The following ACRBP variants were observed in gnomAD, a reference collection of about 807,000 sequenced individuals.
ACRBP encodes the protein acrosin binding protein.
In ACRBP, 52 loss-of-function variants were observed where a neutral mutation model predicts 69.0. The observed-to-expected ratio is 0.75, with a 90% CI of 0.60 to 0.95. The LOEUF (loss-of-function observed/expected upper bound fraction) is 0.95. Among genes scored for constraint, ACRBP ranks in the 40% least tolerant of loss-of-function variants. ACRBP has a pLI of 0.00. For missense variants in ACRBP, 604 were observed against 673.0 expected (o/e 0.90, Z 1.13); for synonymous variants, 267 against 258.9 (o/e 1.03, Z -0.30).
At chr12:6,643,795 G>T in intron 5 of ACRBP, 124 bp from the exon 6 acceptor site, 1 of 1,310,864 alleles carries the variant, frequency 7.6e-7, no homozygotes. Context: ...CTTAGCATGG[G>T]GCCTTAGAGG....
intron 9 of ACRBP, 73 bp downstream of exon 9, chr12:6,638,881 C>T: frequency 6.2e-7 from 1 of 1,601,518 alleles, no homozygotes; most frequent in Non-Finnish European, 8.5e-7. Context: ...CAGAGGGGGC[C>T]TCAGAATAGA....
chr12:6,643,212 C>T (rs534331730), intron 6 of ACRBP, among the ~76,000 whole-genome samples: 4 of 151,978 alleles, frequency 2.6e-5, no homozygotes, highest in South Asian at 4.1e-4. Flanking sequence ...AAGCCATGAT[C>T]GCACCACTCC....
intron 3 of ACRBP, 103 bp downstream of exon 3, chr12:6,646,380 G>C: frequency 1.0e-6 from 1 of 989,978 alleles, no homozygotes; most frequent in East Asian, 2.4e-5. Context: ...CAGGGAAGGA[G>C]GAGCTAAGGA....
Position 6,647,026 on chromosome 12 carries a change from G to A in ACRBP, c.44-14C>T, listed in dbSNP as rs747561878. On this transcript the variant is annotated splice_polypyrimidine_tract_variant and intron_variant, in intron 1 of 9. Coordinates refer to ENST00000229243, the MANE Select transcript of ACRBP (RefSeq NM_032489.3). ...GCAGGAGCAGCACTGCGGAGCGGGC[G>A]AACGGATGATGGAAGGACCGAACCC... 5.6e-6 allele frequency: 9 copies of A among 1,604,730 alleles called. No homozygotes were observed. In the South Asian group the frequency reaches 8.8e-5, roughly 16 times the overall value.
At chr12:6,647,152 A>G in intron 1 of ACRBP, 140 bp from the exon 2 acceptor site, 1 of 1,107,164 alleles carries the variant, frequency 9.0e-7, no homozygotes. Context: ...GTCTAGAGAC[A>G]GAGGCAAAGG....
rs756596238 is a variant in ACRBP at position 6,645,200 on chromosome 12, G to A, written c.475+20C>T. Reference sequence around the variant, plus strand: ...TTGTGGGAGTAGCTGGTGGTCTCCCGGCTGCTGAGAGGGTCTCACCTGTGA... The same window carrying A: ...TTGTGGGAGTAGCTGGTGGTCTCCCAGCTGCTGAGAGGGTCTCACCTGTGA... On this transcript the variant is annotated intron_variant, in intron 4 of 9. Coordinates refer to ENST00000229243, the MANE Select transcript of ACRBP (RefSeq NM_032489.3). 13 of 1,570,586 alleles carry A rather than the reference G, an allele frequency of 8.3e-6. 1 individual carries two copies. The highest frequency in any genetic ancestry group is 3.5e-4 in the Middle Eastern group (2 of 5,728).
chr12:6,647,376 A>G lies in ACRBP; in HGVS notation c.-10T>C. 6.5e-7 allele frequency: 1 copy of G among 1,528,770 alleles called. No individual in the cohort carries two copies. The highest frequency in any genetic ancestry group is 8.8e-7 in the Non-Finnish European group (1 of 1,135,588). 94.7% of individuals were successfully genotyped at this position (1,528,770 alleles called of 1,614,324 possible). A position where few individuals can be genotyped will look rare whatever the true frequency, so the allele number is the denominator to read the frequency against. On this transcript the variant is annotated 5_prime_UTR_variant, in exon 1 of 10. Transcript: ENST00000229243. ...CGGCTGGCTTCCTCATGGCCGGAGAAGATCCGCCCGCGTCCCGTGGACACA... is the reference window on the plus strand; with the variant it reads ...CGGCTGGCTTCCTCATGGCCGGAGAGGATCCGCCCGCGTCCCGTGGACACA...
chr12:6,643,420 A>C, intron 6 of ACRBP, 119 bp downstream of exon 6: 1 of 1,343,704 alleles, frequency 7.4e-7, no homozygotes, highest in East Asian at 2.4e-5. Context: ...CTTGGAGAGA[A>C]TCTCTCCAGC....
rs1032111431 is a variant in ACRBP at position 6,641,168 on chromosome 12, C to T, written c.1078-646G>A. On this transcript the variant is annotated intron_variant, in intron 6 of 9. Transcript: ENST00000229243. ...TAAAACCTATGCTCTATCCAAGTAC[C>T]TGGGTTGGAAACCTCCAAGTTCTTG... Among the ~76,000 whole-genome samples the T allele has an allele frequency of 5.3e-5, 8 of 152,204 alleles. No individual in the cohort carries two copies. The East Asian group carries it at 1.5e-3, about 29-fold the overall frequency.
chr12:6,644,272 G>A lies in ACRBP; in HGVS notation c.809C>T (p.Pro270Leu), dbSNP rs949378767. ...SLSSNPSSFA[P>L]RVREVESTPM... The stretch of plus-strand genomic sequence containing the variant: ...AGTAGACTCTACTTCTCGTACCCGG[G>A]GAGCAAAAGAGGAAGGGTTAGAAGA... Residue 270 changes from proline to leucine, a missense_variant, in exon 5 of 10, where the codon CCC becomes CTC. Coordinates refer to ENST00000229243, the MANE Select transcript of ACRBP (RefSeq NM_032489.3). 7 of 1,614,102 alleles carry A rather than the reference G, an allele frequency of 4.3e-6. No individual in the cohort carries two copies. The highest frequency in any genetic ancestry group is 1.1e-5 in the South Asian group (1 of 91,076).
Position 6,646,778 on chromosome 12 carries a change from CTA to C in ACRBP, c.262+14_262+15del. 6.2e-7 allele frequency: 1 copy of C among 1,613,266 alleles called. No homozygotes were observed. Among genetic ancestry groups the C allele is most frequent in the South Asian group, 1.1e-5 (1 of 91,014 alleles). ...CACTCTGGGTGCCTCGGTTTCCCCC[CTA>C]GTCTGGCCCTCACCATCGGGCACTA... On this transcript the variant is annotated intron_variant, in intron 2 of 9. Coordinates refer to ENST00000229243, the MANE Select transcript of ACRBP (RefSeq NM_032489.3).
chr12:6,641,720 C>CA (rs1949054233), intron 6 of ACRBP, among the ~76,000 whole-genome samples: 1 of 152,120 alleles, frequency 6.6e-6, no homozygotes, highest in South Asian at 2.1e-4. Flanking sequence ...ACAGTATGCT[C>CA]ATTGTTAGCA....
chr12:6,646,433 C>T lies in ACRBP; in HGVS notation c.357+50G>A, dbSNP rs1286974920. 3 of 1,546,150 alleles carry T rather than the reference C, an allele frequency of 1.9e-6. No individual in the cohort carries two copies. The African/African-American group carries it at 4.1e-5, about 21-fold the overall frequency. ...TTCCTCAACTCCCCACTGCTGCCGC[C>T]TCTCCCTTGGCCCTGGGGCACCAAA... On this transcript the variant is annotated intron_variant, in intron 3 of 9. Coordinates refer to ENST00000229243, the MANE Select transcript of ACRBP (RefSeq NM_032489.3).
At chr12:6,638,717 C>G in intron 9 of ACRBP, 1 of 1,428,880 alleles carries the variant, frequency 7.0e-7, no homozygotes. Flanking sequence ...AAGGGTTCTT[C>G]CTGTGGTGCT....
chr12:6,640,415 T>G lies in ACRBP; in HGVS notation c.1185A>C (p.Gln395His). ...CHSEASLQRQ[Q>H]CDTSHKTPFV... is the part of the protein sequence containing the mutation. Reference sequence around the variant, plus strand: ...AGGGAGTCTTGTGGGAGGTGTCGCATTGTTGCCGCTGCAGGCTGGCCTCTG... The same window carrying G: ...AGGGAGTCTTGTGGGAGGTGTCGCAGTGTTGCCGCTGCAGGCTGGCCTCTG... The change falls in exon 7 of 10, where the codon CAA (glutamine) becomes CAC (histidine). Residue 395 changes from glutamine (Q) to histidine (H), a missense_variant. Physicochemically the swap from Gln to His is conservative, Grantham distance 24. Coordinates refer to ENST00000229243, the MANE Select transcript of ACRBP (RefSeq NM_032489.3). The surrounding 1 kb of genome is among the most constrained non-coding windows in gnomAD (Gnocchi z 5.3). The G allele has an allele frequency of 6.2e-7, 1 of 1,614,158 alleles. No individual in the cohort carries two copies.
chr12:6,638,508 C>A, intron 9 of ACRBP, 104 bp from the exon 10 acceptor site: 1 of 1,507,644 alleles, frequency 6.6e-7, no homozygotes, highest in Non-Finnish European at 9.1e-7. Context: ...GGTGGGCAGG[C>A]ATGGGCACAG....
rs1165201726 is a variant in ACRBP at position 6,644,252 on chromosome 12, A to G, written c.829T>C (p.Ser277Pro). 1 of 1,613,930 alleles carries G rather than the reference A, an allele frequency of 6.2e-7. No individual in the cohort carries two copies. Among genetic ancestry groups the G allele is most frequent in the South Asian group, 1.1e-5 (1 of 91,072 alleles). ...ATGTTCTCCATTATCATAGGAGTAG[A>G]CTCTACTTCTCGTACCCGGGGAGCA... Reference protein sequence around the residue: ...SFAPRVREVESTPMIMENIQE... With the variant: ...SFAPRVREVEPTPMIMENIQE... The change falls in exon 5 of 10, where the codon TCT becomes CCT. Residue 277 changes from serine (S) to proline (P), a missense_variant. Physicochemically the swap from Ser to Pro is moderately conservative, Grantham distance 74 (BLOSUM62 -1). Transcript: ENST00000229243.
intron 9 of ACRBP, 51 bp from the exon 10 acceptor site, chr12:6,638,455 G>A (rs545499100): frequency 1.8e-4 from 294 of 1,611,340 alleles, no homozygotes; most frequent in Non-Finnish European, 2.4e-4. Flanking sequence ...CAGGTGCCAG[G>A]AGTGGGGAGG....
At chr12:6,638,726 C>T in intron 9 of ACRBP, 1 of 1,429,142 alleles carries the variant, frequency 7.0e-7, no homozygotes, top group Non-Finnish European at 9.1e-7. Context: ...TCCTGTGGTG[C>T]TCTTAGGACC....
Sources: gnomAD v4.1 joint callset for allele counts (sites outside exome capture counted in the v4.1 genomes callset) on GRCh38, gnomAD v4.1.1 for gene constraint, Gnocchi (gnomAD v3.1) non-coding constraint, MANE v1.5 for transcripts, NCBI Gene and HGNC (gene_info 2026-07-23, HGNC 2026-07-21) for gene names.